The following BCLAF1 variants were observed in gnomAD, a reference collection of about 807,000 sequenced individuals.
BCLAF1 encodes bcl-2-associated transcription factor 1.
In BCLAF1, 10 loss-of-function variants were observed where a neutral mutation model predicts 99.5. The observed-to-expected ratio is 0.10, with a 90% CI of 0.06 to 0.17. The LOEUF (loss-of-function observed/expected upper bound fraction) is 0.17, where lower values mean the gene tolerates loss of function less well. BCLAF1 is among the 10% of genes least tolerant of loss of function. The pLI is 1.00. For missense variants in BCLAF1, 636 were observed against 1,105.8 expected, an observed-to-expected ratio of 0.58 and a Z score of 6.02; for synonymous variants, 255 against 370.9, an observed-to-expected ratio of 0.69 and a Z score of 3.59.
intron 1 of BCLAF1, among the ~76,000 whole-genome samples, chr6:136,284,122 G>A (rs1784758615): frequency 1.2e-5 from 1 of 83,354 alleles, no homozygotes; most frequent in South Asian, 3.1e-4. Context: ...ATATATGTGT[G>A]TGTGTGTGTA....
chr6:136,278,147 G>C lies in BCLAF1; in HGVS notation c.734C>G (p.Ala245Gly). 1.9e-6 allele frequency: 3 copies of C among 1,597,496 alleles called. No homozygotes were observed. The highest frequency in any genetic ancestry group is 2.6e-6 in the Non-Finnish European group (3 of 1,171,632). ...AGAGTGAACTGTACTGAGCATGGGA[G>C]CATCAGAGCAAGATGAACTCTGACT... is the stretch of plus-strand genomic sequence containing the variant. ...PPSQSSSCSD[A>G]PMLSTVHSAK... Residue 245 changes from alanine (A) to glycine (G), a missense_variant, in exon 4 of 13, where the codon GCT (alanine) becomes GGT (glycine). Physicochemically the swap from Ala to Gly is moderately conservative, Grantham distance 60 (BLOSUM62 0). This residue lies in a region of BCLAF1 where 65 missense variants were observed against 90.9 expected (regional missense o/e 0.71). Coordinates refer to ENST00000531224, the MANE Select transcript of BCLAF1 (RefSeq NM_014739.3).
intron 9 of BCLAF1, 24 bp downstream of exon 9, chr6:136,269,413 A>T (rs762487194): frequency 6.3e-7 from 1 of 1,598,790 alleles, no homozygotes; most frequent in Non-Finnish European, 8.5e-7. Flanking sequence ...GCTAAAACCT[A>T]TCTTAGTCAG....
intron 6 of BCLAF1, 84 bp from the exon 7 acceptor site, chr6:136,273,271 T>C (rs1274595920): frequency 1.7e-6 from 2 of 1,160,980 alleles, no homozygotes; most frequent in Admixed American, 2.3e-5. Context: ...ATGTAGCAGG[T>C]GAAAAGAAAA....
At chr6:136,264,039 A>G (rs1036372871) in intron 11 of BCLAF1, among the ~76,000 whole-genome samples, 1 of 152,190 alleles carries the variant, frequency 6.6e-6, no homozygotes, top group East Asian at 1.9e-4. Flanking sequence ...CACTAGCCAC[A>G]TAACTCTGCT....
intron 11 of BCLAF1, among the ~76,000 whole-genome samples, chr6:136,264,552 T>TAA (rs1243823172): frequency 6.6e-6 from 1 of 152,204 alleles, no homozygotes; most frequent in African/African-American, 2.4e-5. Flanking sequence ...CAAACTCTTT[T>TAA]AAACTGGTTA....
intron 1 of BCLAF1, among the ~76,000 whole-genome samples, chr6:136,284,919 G>A (rs887216671): frequency 3.3e-5 from 5 of 152,094 alleles, no homozygotes; most frequent in Non-Finnish European, 7.4e-5. Context: ...TCTTTAAGGA[G>A]GTAACATTTG....
intron 4 of BCLAF1, 76 bp downstream of exon 4, chr6:136,277,789 T>C (rs1259174597): frequency 6.8e-7 from 1 of 1,480,362 alleles, no homozygotes; most frequent in Admixed American, 2.3e-5. Context: ...TATCACAATT[T>C]TACGTTTATA....
At chr6:136,281,531 GA>G (rs1346160522) in intron 2 of BCLAF1, among the ~76,000 whole-genome samples, 1 of 152,068 alleles carries the variant, frequency 6.6e-6, no homozygotes, top group African/African-American at 2.4e-5. Context: ...CATTCTGATC[GA>G]ATTTACTTCA....
chr6:136,264,855 T>G (rs1249285901), intron 11 of BCLAF1, among the ~76,000 whole-genome samples: 1 of 152,152 alleles, frequency 6.6e-6, no homozygotes, highest in African/African-American at 2.4e-5. Flanking sequence ...AGACCAAGAT[T>G]TTTAAATATA....
chr6:136,281,014 T>C (rs964026531), intron 2 of BCLAF1, among the ~76,000 whole-genome samples: 1 of 152,168 alleles, frequency 6.6e-6, no homozygotes, highest in Non-Finnish European at 1.5e-5. Flanking sequence ...CTTTGTTCGG[T>C]ATAATAAAAT....
At position 136,267,116 on chromosome 6, in the gene BCLAF1, T is replaced by C; in HGVS notation, c.2457A>G (p.Pro819=). 6.2e-7 allele frequency: 1 copy of C among 1,613,274 alleles called. No individual in the cohort carries two copies. Among genetic ancestry groups the C allele is most frequent in the Admixed American group, 1.7e-5 (1 of 59,964 alleles). ...TTTGAAAAGTAGTATTTGAGTTGTT[T>C]GGACCAGTATTTGTCCCAGCAAAAA... ...RGVFAGTNTG[P]NNSNTTFQKR... Residue 819 remains proline, a synonymous_variant, in exon 11 of 13, where the codon CCA becomes CCG. Transcript: ENST00000531224.
At chr6:136,274,095 G>A in intron 6 of BCLAF1, 1 of 1,287,698 alleles carries the variant, frequency 7.8e-7, no homozygotes, top group Non-Finnish European at 1.0e-6. Flanking sequence ...TGCCATTTTT[G>A]CCAGGAAGAC....
At chr6:136,273,392 G>C (rs1215732664) in intron 6 of BCLAF1, 2 of 510,006 alleles carry the variant, frequency 3.9e-6, no homozygotes, top group Non-Finnish European at 7.0e-6. Context: ...ACAGGTCCCT[G>C]TCAATACTAC....
intron 1 of BCLAF1, among the ~76,000 whole-genome samples, chr6:136,289,427 T>C (rs769980463): frequency 6.6e-6 from 1 of 152,014 alleles, no homozygotes; most frequent in Non-Finnish European, 1.5e-5. Context: ...GAGGAAGATA[T>C]GCGCACGCGC....
intron 9 of BCLAF1, 122 bp from the exon 10 acceptor site, chr6:136,268,461 T>C: frequency 1.1e-6 from 1 of 888,072 alleles, no homozygotes; most frequent in Non-Finnish European, 1.7e-6. Context: ...ATTATGTAAA[T>C]AAAATAATTG....
In BCLAF1 at chr6:136,259,600, A is replaced by AG. The variant is rs1406231008; in HGVS notation, c.*1509dup. 6.6e-6 allele frequency: 1 copy of AG among 152,062 alleles called. No individual in the cohort carries two copies. Among genetic ancestry groups the AG allele is most frequent in the African/African-American group, 2.4e-5 (1 of 41,446 alleles). 9.4% of individuals were successfully genotyped at this position (152,062 alleles called of 1,614,324 possible). A position where few individuals can be genotyped will look rare whatever the true frequency, so the allele number is the denominator to read the frequency against. On this transcript the variant is annotated 3_prime_UTR_variant, in exon 13 of 13. Transcript: ENST00000531224. Reference sequence around the variant, plus strand: ...AAAATCACACAATACTAAGGATCTGAGGGCCATAAACATCACATATGTTGA... The same window carrying AG: ...AAAATCACACAATACTAAGGATCTGAGGGGCCATAAACATCACATATGTTGA...
intron 3 of BCLAF1, 118 bp from the exon 4 acceptor site, chr6:136,278,894 A>C: frequency 9.5e-7 from 1 of 1,052,728 alleles, no homozygotes; most frequent in South Asian, 2.1e-5. Flanking sequence ...CACTTTTTTA[A>C]AAAACTCATC....
At chr6:136,284,893 G>C (rs555396838) in intron 1 of BCLAF1, among the ~76,000 whole-genome samples, 33 of 152,256 alleles carry the variant, frequency 2.2e-4, no homozygotes, top group African/African-American at 7.0e-4. Context: ...ACTTACTTAG[G>C]TGGATCCTTG....
intron 6 of BCLAF1, among the ~76,000 whole-genome samples, chr6:136,274,976 C>G (rs1783053760): frequency 6.6e-6 from 1 of 151,884 alleles, no homozygotes; most frequent in South Asian, 2.1e-4. Flanking sequence ...TTCTAAATTT[C>G]TTGAACGTTT....
Sources: allele counts gnomAD v4.1 joint callset (sites outside exome capture counted in the v4.1 genomes callset), GRCh38; gene constraint gnomAD v4.1.1; regional missense constraint gnomAD v4.1.1; transcripts MANE v1.5; gene names NCBI Gene and HGNC (gene_info 2026-07-23, HGNC 2026-07-21).